CAP2: variants seen among roughly 807,000 people sequenced by gnomAD.
CAP2 encodes cyclase associated actin cytoskeleton regulatory protein 2, also known as adenylyl cyclase-associated protein 2.
CAP2 carries 24 observed loss-of-function variants against 57.7 expected under a neutral mutation model. The ratio of observed to expected loss-of-function variants is 0.42; its 90% CI spans 0.30 to 0.58. The LOEUF (loss-of-function observed/expected upper bound fraction) is 0.58. CAP2 is among the 20% of genes least tolerant of loss of function. CAP2 has a pLI of 0.22. For synonymous variants in CAP2, 194 were observed against 207.2 expected (o/e 0.94, Z 0.55); for missense variants, 501 against 590.3 (o/e 0.85, Z 1.57).
chr6:17,444,804 CCA>C (rs142931025), intron 3 of CAP2, among the ~76,000 whole-genome samples: 41,203 of 140,262 alleles, frequency 0.29, 6,437 homozygotes, highest in South Asian at 0.37. Context: ...TTCTCTCTCT[CCA>C]CACACACACA....
chr6:17,477,266 G>C (rs76570884), intron 4 of CAP2, among the ~76,000 whole-genome samples: 8,266 of 152,342 alleles, frequency 0.054, 302 homozygotes, highest in Middle Eastern at 0.092. Context: ...GTAATGAAAA[G>C]AGTGTAACTG....
chr6:17,469,756 A>C (rs761752583), intron 4 of CAP2, among the ~76,000 whole-genome samples: 3 of 152,206 alleles, frequency 2.0e-5, no homozygotes, highest in Non-Finnish European at 2.9e-5. Flanking sequence ...CTGAAAAATT[A>C]GATGGAGAAG....
intron 12 of CAP2, 34 bp downstream of exon 12, chr6:17,551,638 T>C: frequency 6.6e-7 from 1 of 1,507,988 alleles, no homozygotes; most frequent in Non-Finnish European, 9.0e-7. Context: ...CAAGAATTTT[T>C]CTGGAGCCTT....
rs1230296197 is a variant in CAP2, at chr6:17,475,519, G to GTT, written c.300+12446_300+12447insTT. Among the ~76,000 whole-genome samples the GTT allele has an allele frequency of 5.0e-3, 763 of 152,276 alleles. 3 individuals carry two copies. Among genetic ancestry groups the GTT allele is most frequent in the East Asian group, 0.027 (138 of 5,174 alleles). ...CCCCCTTTTACTAAATGAATGCCTT[G>GTT]GAAGGGACCACGGAATGGTTCATTT... On this transcript the variant is annotated intron_variant, in intron 4 of 12. Coordinates refer to ENST00000229922, the MANE Select transcript of CAP2 (RefSeq NM_006366.3).
At chr6:17,418,524 T>C (rs1001571775) in intron 1 of CAP2, among the ~76,000 whole-genome samples, 1 of 152,188 alleles carries the variant, frequency 6.6e-6, no homozygotes, top group African/African-American at 2.4e-5. Flanking sequence ...TTGGGTCTTG[T>C]CAGGGAGTCT....
At chr6:17,478,737 C>T (rs1299064563) in intron 4 of CAP2, among the ~76,000 whole-genome samples, 1 of 152,174 alleles carries the variant, frequency 6.6e-6, no homozygotes, top group Non-Finnish European at 1.5e-5. Flanking sequence ...GATGTCATGT[C>T]CTCACTTCCC....
Position 17,543,115 on chromosome 6 carries a change from T to C in CAP2, c.1181T>C (p.Val394Ala). ...VFDNVVGIVE[V>A]INSQDIQIQV... Reference sequence around the variant, plus strand: ...GACAATGTGGTGGGCATTGTGGAAGTGATCAACTCCCAGGACATTCAAATC... The same window carrying C: ...GACAATGTGGTGGGCATTGTGGAAGCGATCAACTCCCAGGACATTCAAATC... The change falls in exon 11 of 13, where the codon GTG (valine) becomes GCG (alanine). Residue 394 changes from valine to alanine, a missense_variant. Val to Ala is a moderately conservative substitution (Grantham distance 64). Coordinates refer to ENST00000229922, the MANE Select transcript of CAP2 (RefSeq NM_006366.3). 1 of 1,614,066 alleles carries C rather than the reference T, an allele frequency of 6.2e-7. No individual in the cohort carries two copies. The highest frequency in any genetic ancestry group is 8.5e-7 in the Non-Finnish European group (1 of 1,179,940).
chr6:17,536,323 A>T (rs1453384304), intron 7 of CAP2: 2 of 456,696 alleles, frequency 4.4e-6, no homozygotes, highest in Admixed American at 4.7e-5. Context: ...AATCAGTTTG[A>T]TTTCGAGTCC....
intron 7 of CAP2, among the ~76,000 whole-genome samples, chr6:17,527,086 G>T (rs1762530749): frequency 6.6e-6 from 1 of 152,046 alleles, no homozygotes; most frequent in South Asian, 2.1e-4. Context: ...GGAGCCAAAG[G>T]TAACTAATCT....
intron 1 of CAP2, among the ~76,000 whole-genome samples, chr6:17,413,160 T>C (rs1454110320): frequency 6.6e-6 from 1 of 152,164 alleles, no homozygotes; most frequent in Non-Finnish European, 1.5e-5. Context: ...TTAGAGGCCC[T>C]AGAGGAGTCA....
chr6:17,524,453 C>T (rs1016444667), intron 7 of CAP2, among the ~76,000 whole-genome samples: 2 of 152,062 alleles, frequency 1.3e-5, no homozygotes, highest in Non-Finnish European at 2.9e-5. Flanking sequence ...TTTGCCCAGG[C>T]GAGAATTCAA....
chr6:17,416,167 T>TTTTTTTTTTTTTTTTTTTTTTTTTTTTTG (rs1290905490), intron 1 of CAP2, among the ~76,000 whole-genome samples: 1 of 151,080 alleles, frequency 6.6e-6, no homozygotes, highest in African/African-American at 2.4e-5. Context: ...AAAACTCTTT[T>TTTTTTTTTTTTTTTTTTTTTTTTTTTTTG]AAACATGTTG....
At chr6:17,463,182 C>CT (rs911115766) in intron 4 of CAP2, 109 bp downstream of exon 4, 2 of 729,314 alleles carry the variant, frequency 2.7e-6, no homozygotes, top group African/African-American at 3.5e-5. Flanking sequence ...AAAAATGAGA[C>CT]TTACAGCACG....
At chr6:17,494,200 C>T (rs1289153781) in intron 4 of CAP2, among the ~76,000 whole-genome samples, 1 of 152,146 alleles carries the variant, frequency 6.6e-6, no homozygotes, top group Non-Finnish European at 1.5e-5. Context: ...AAAAGAAAAC[C>T]ACATCATGTT....
chr6:17,403,642 A>T (rs1028446401), intron 1 of CAP2, among the ~76,000 whole-genome samples: 2 of 152,240 alleles, frequency 1.3e-5, no homozygotes, highest in South Asian at 4.1e-4. Flanking sequence ...TTAAATTTAA[A>T]TAATGTTTTT....
chr6:17,525,248 A>G (rs1762477532), intron 7 of CAP2, among the ~76,000 whole-genome samples: 1 of 152,190 alleles, frequency 6.6e-6, no homozygotes, highest in Non-Finnish European at 1.5e-5. Flanking sequence ...AAATAGTAGT[A>G]GCTTTTAAAG....
Position 17,421,624 on chromosome 6 carries a change from A to G in CAP2, c.69A>G (p.Ala23=), listed in dbSNP as rs751582639. The G allele has an allele frequency of 7.4e-6, 12 of 1,614,002 alleles. No homozygotes were observed. The East Asian group carries it at 2.7e-4, about 36-fold the overall frequency. ...RAVSRLESLS[A]ESHRPPGNCG... is the part of the protein sequence containing the mutation. ...TCAGCCGCCTGGAGTCGCTGTCTGC[A>G]GAGTCCCACAGGCCCCCTGGGAACT... Residue 23 remains alanine (A), a synonymous_variant, in exon 2 of 13, where the codon GCA becomes GCG. Coordinates refer to ENST00000229922, the MANE Select transcript of CAP2 (RefSeq NM_006366.3).
rs1581479873 is a variant in CAP2 at position 17,395,128 on chromosome 6, T to C, written c.-2+1382T>C. Among the ~76,000 whole-genome samples the C allele has an allele frequency of 1.3e-5, 2 of 152,334 alleles. 1 individual carries two copies. Among genetic ancestry groups the C allele is most frequent in the East Asian group, 3.9e-4 (2 of 5,186 alleles). On this transcript the variant is annotated intron_variant, in intron 1 of 12. Coordinates refer to ENST00000229922, the MANE Select transcript of CAP2 (RefSeq NM_006366.3). ...CAGGAAGGTGATTATCAAGGTGGTC[T>C]TTGCTAGTAGGAAGTAAGTTTTTGT...
chr6:17,527,725 AG>A (rs1373049218), intron 7 of CAP2, among the ~76,000 whole-genome samples: 1 of 151,328 alleles, frequency 6.6e-6, no homozygotes, highest in South Asian at 2.1e-4. Context: ...CTTTCTGAGT[AG>A]CTGGGATTAC....
Sources: allele counts gnomAD v4.1 joint callset (sites outside exome capture counted in the v4.1 genomes callset), GRCh38; gene constraint gnomAD v4.1.1; transcripts MANE v1.5; gene names NCBI Gene and HGNC (gene_info 2026-07-23, HGNC 2026-07-21).